Variants in NEIL2 observed in about 807,000 individuals in gnomAD.
NEIL2 encodes the protein endonuclease 8-like 2.
Under a neutral mutation model 22.2 loss-of-function variants are expected in NEIL2, and 23 were observed. That is an observed-to-expected ratio of 1.04 (90% CI 0.75 to 1.47). The LOEUF is 1.47. Ranked by LOEUF, NEIL2 falls within the 40% of genes most tolerant of loss-of-function variation. The pLI is 0.00. For synonymous variants in NEIL2, 229 were observed against 164.8 expected, an observed-to-expected ratio of 1.39 and a Z score of -2.99; for missense variants, 583 against 404.7, an observed-to-expected ratio of 1.44 and a Z score of -3.78.
At chr8:11,777,545 C>T (rs1348937972) in intron 2 of NEIL2, among the ~76,000 whole-genome samples, 1 of 152,174 alleles carries the variant, frequency 6.6e-6, no homozygotes, top group African/African-American at 2.4e-5. Context: ...TTTCCTCCCT[C>T]CCTGCAGCCC....
chr8:11,773,398 C>G (rs1422730043), intron 2 of NEIL2, among the ~76,000 whole-genome samples: 5 of 152,142 alleles, frequency 3.3e-5, no homozygotes, highest in African/African-American at 9.7e-5. Context: ...CCTGCTTCTC[C>G]CTGTCGGCGG....
At chr8:11,774,115 C>T (rs181142914) in intron 2 of NEIL2, among the ~76,000 whole-genome samples, 1 of 152,280 alleles carries the variant, frequency 6.6e-6, no homozygotes, top group Non-Finnish European at 1.5e-5. Context: ...GTGGCTCATG[C>T]CTGTAATCCC....
At position 11,771,442 on chromosome 8, in the gene NEIL2, A is replaced by G. The variant is rs762575464; in HGVS notation, c.-2-4A>G. 6.2e-7 allele frequency: 1 copy of G among 1,613,502 alleles called. No individual in the cohort carries two copies. The highest frequency in any genetic ancestry group is 8.5e-7 in the Non-Finnish European group (1 of 1,180,024). ...TGGCCTCTTTTGCCCATTTCTGCCC[A>G]CAGGGATGCCAGAAGGGCCGTTGGT... is the stretch of plus-strand genomic sequence containing the variant. On this transcript the variant is annotated splice_polypyrimidine_tract_variant and splice_region_variant and intron_variant, in intron 1 of 4. Transcript: ENST00000284503.
chr8:11,785,153 T>G (rs1390875348), intron 4 of NEIL2, among the ~76,000 whole-genome samples: 1 of 152,094 alleles, frequency 6.6e-6, no homozygotes, highest in Non-Finnish European at 1.5e-5. Context: ...ATTACAGGCG[T>G]GTGCCACTGT....
At chr8:11,778,337 T>C (rs150752564) in intron 2 of NEIL2, among the ~76,000 whole-genome samples, 5 of 151,024 alleles carry the variant, frequency 3.3e-5, no homozygotes, top group African/African-American at 7.3e-5. Flanking sequence ...CCATTTCTAA[T>C]ATGTGGCAGA....
At chr8:11,782,359 A>G (rs532978492) in intron 3 of NEIL2, among the ~76,000 whole-genome samples, 2 of 152,322 alleles carry the variant, frequency 1.3e-5, no homozygotes, top group South Asian at 4.1e-4. Flanking sequence ...TGGGAGGAAG[A>G]GATTGCAGTG....
At chr8:11,775,772 CTT>C (rs2130465816) in intron 2 of NEIL2, among the ~76,000 whole-genome samples, 1 of 152,342 alleles carries the variant, frequency 6.6e-6, no homozygotes, top group South Asian at 2.1e-4. Context: ...CCACCAGTCT[CTT>C]AGCACAGCAA....
intron 2 of NEIL2, 118 bp downstream of exon 2, chr8:11,771,703 C>G: frequency 1.0e-6 from 1 of 953,820 alleles, no homozygotes; most frequent in Non-Finnish European, 1.6e-6. Flanking sequence ...CAAGCTCGGA[C>G]TCCATGCAGC....
chr8:11,783,257 G>A lies in NEIL2; in HGVS notation c.546G>A (p.Leu182=). The A allele has an allele frequency of 6.2e-7, 1 of 1,614,250 alleles. No homozygotes were observed. Among genetic ancestry groups the A allele is most frequent in the Non-Finnish European group, 8.5e-7 (1 of 1,180,046 alleles). The stretch of plus-strand genomic sequence containing the variant: ...TCCTGGCATTTTATAATTGTCAGTT[G>A]TCTTGGAGCTCTTCCCCAGTGGTCA... ...GGFLAFYNCQ[L]SWSSSPVVTP... is the part of the protein sequence containing the mutation. Residue 182 remains leucine, a synonymous_variant, in exon 4 of 5, where the codon TTG becomes TTA. Transcript: ENST00000284503.
chr8:11,770,551 G>A (rs764042417), intron 1 of NEIL2, among the ~76,000 whole-genome samples: 6 of 152,164 alleles, frequency 3.9e-5, no homozygotes, highest in Non-Finnish European at 8.8e-5. Flanking sequence ...ATTCTAAAAT[G>A]TTTTTTAGAA....
intron 4 of NEIL2, among the ~76,000 whole-genome samples, 177 bp downstream of exon 4, chr8:11,783,576 C>G (rs1433685523): frequency 6.6e-6 from 1 of 152,216 alleles, no homozygotes; most frequent in African/African-American, 2.4e-5. Context: ...GGCATTAGAT[C>G]AGGCAGTTTT....
chr8:11,780,629 A>C (rs1804328203), intron 3 of NEIL2, among the ~76,000 whole-genome samples: 1 of 152,032 alleles, frequency 6.6e-6, no homozygotes, highest in African/African-American at 2.4e-5. Context: ...GCGATCGCCT[A>C]CCTCCGCCTC....
chr8:11,780,764 A>T (rs530202324), intron 3 of NEIL2, among the ~76,000 whole-genome samples: 19 of 152,178 alleles, frequency 1.2e-4, no homozygotes, highest in Non-Finnish European at 2.6e-4. Context: ...CCTCAGTGTC[A>T]ATTCCCAGAG....
intron 4 of NEIL2, 94 bp from the exon 5 acceptor site, chr8:11,785,869 G>A: frequency 8.6e-7 from 1 of 1,163,376 alleles, no homozygotes; most frequent in Non-Finnish European, 1.3e-6. Flanking sequence ...CCCAGGACAT[G>A]GAAGAGCTGA....
At chr8:11,784,242 C>T (rs896312696) in intron 4 of NEIL2, among the ~76,000 whole-genome samples, 1 of 152,202 alleles carries the variant, frequency 6.6e-6, no homozygotes, top group Non-Finnish European at 1.5e-5. Flanking sequence ...AGTCCCTGTG[C>T]ACTCAGGAGC....
At chr8:11,783,515 G>A (rs1227034586) in intron 4 of NEIL2, 116 bp downstream of exon 4, 6 of 827,996 alleles carry the variant, frequency 7.2e-6, no homozygotes, top group Non-Finnish European at 4.1e-6. Flanking sequence ...TGGTTTTGAG[G>A]TGCCACTTGC....
rs376801142 is a variant in NEIL2, at chr8:11,784,773, G to A, written c.689-1190G>A. 1.1e-4 allele frequency among the ~76,000 whole-genome samples: 16 copies of A among 152,330 alleles called. No homozygotes were observed. In the South Asian group the frequency reaches 3.1e-3, roughly 30 times the overall value. ...GTTACTGATTCTGGAAGGAGGGATC[G>A]AGGCTGGCTTCACAGAGAATGAGGC... On this transcript the variant is annotated intron_variant, in intron 4 of 4. Transcript: ENST00000284503.
intron 2 of NEIL2, among the ~76,000 whole-genome samples, chr8:11,772,113 G>A (rs1030829944): frequency 2.6e-5 from 4 of 152,162 alleles, no homozygotes. Flanking sequence ...TGAGGCAGGA[G>A]AATTGCTTGA....
chr8:11,772,764 C>T (rs926316252), intron 2 of NEIL2, among the ~76,000 whole-genome samples: 1 of 152,204 alleles, frequency 6.6e-6, no homozygotes, highest in African/African-American at 2.4e-5. Context: ...GCCGTGTGCT[C>T]TTAAGCATGT....
Sources: gnomAD v4.1 joint callset for allele counts (sites outside exome capture counted in the v4.1 genomes callset) on GRCh38, gnomAD v4.1.1 for gene constraint, MANE v1.5 for transcripts, NCBI Gene and HGNC (gene_info 2026-07-23, HGNC 2026-07-21) for gene names.